The following COL9A1 variants were observed in gnomAD, a reference collection of about 807,000 sequenced individuals.
The protein encoded by COL9A1 is collagen type IX alpha 1 chain, also known as collagen alpha-1(IX) chain.
Under a neutral mutation model 142.6 loss-of-function variants are expected in COL9A1, and 104 were observed. That is an observed-to-expected ratio of 0.73 (90% confidence interval 0.62 to 0.86). COL9A1 has a LOEUF of 0.86. Ranked by LOEUF, COL9A1 falls within the 40% of genes least tolerant of loss-of-function variation. The pLI, the probability that COL9A1 is intolerant of heterozygous loss-of-function variation, is 0.00. For synonymous variants in COL9A1, 466 were observed against 396.0 expected (o/e 1.18, Z -2.10); for missense variants, 1,210 against 1,176.6 (o/e 1.03, Z -0.42).
Position 70,280,866 on chromosome 6 carries a change from T to A in COL9A1, c.921A>T (p.Ala307=), listed in dbSNP as rs1398982856. 10 of 1,613,420 alleles carry A rather than the reference T, an allele frequency of 6.2e-6. No individual in the cohort carries two copies. Among genetic ancestry groups the A allele is most frequent in the Non-Finnish European group, 7.6e-6 (9 of 1,179,878 alleles). ...PKGPPGPPGP[A]GEPGKPGAPG... is the part of the protein sequence containing the mutation. ...GAGCTCCTGGCTTTCCCGGTTCACCTGCAGGACCCTGAGCAGGGGCAGAAG... is the reference window on the plus strand; with the variant it reads ...GAGCTCCTGGCTTTCCCGGTTCACCAGCAGGACCCTGAGCAGGGGCAGAAG... The change falls in exon 10 of 38, where the codon GCA becomes GCT. Residue 307 remains alanine, a synonymous_variant. Coordinates refer to ENST00000357250, the MANE Select transcript of COL9A1 (RefSeq NM_001851.6).
chr6:70,260,654 T>C lies in COL9A1; in HGVS notation c.1449+3A>G. The C allele has an allele frequency of 6.2e-7, 1 of 1,613,604 alleles. No homozygotes were observed. The highest frequency in any genetic ancestry group is 8.5e-7 in the Non-Finnish European group (1 of 1,179,680). ...TATTATATTATTGTCATCACCATCT[T>C]ACTTTTTCCCCTTTGTCCCCAACTA... On this transcript the variant is annotated splice_donor_region_variant and intron_variant, in intron 20 of 37. Transcript: ENST00000357250.
chr6:70,272,201 C>T (rs944696749), intron 12 of COL9A1, 113 bp from the exon 13 acceptor site: 8 of 840,618 alleles, frequency 9.5e-6, no homozygotes, highest in Non-Finnish European at 1.5e-5. Context: ...AAAAATGATG[C>T]TCATTCTAAA....
chr6:70,283,008 C>T, intron 6 of COL9A1, 90 bp from the exon 7 acceptor site: 4 of 1,612,984 alleles, frequency 2.5e-6, no homozygotes, highest in Non-Finnish European at 3.4e-6. Flanking sequence ...AGAGCCCCAA[C>T]AGCAGCAGCC....
intron 5 of COL9A1, among the ~76,000 whole-genome samples, chr6:70,284,132 T>C (rs1773343183): frequency 6.6e-6 from 1 of 152,206 alleles, no homozygotes; most frequent in East Asian, 1.9e-4. Context: ...AATCTCAAGA[T>C]GTAGATCCTA....
chr6:70,272,855 A>T (rs945221996), intron 12 of COL9A1, among the ~76,000 whole-genome samples: 4 of 152,136 alleles, frequency 2.6e-5, no homozygotes, highest in African/African-American at 9.7e-5. Flanking sequence ...TTGAAATTAA[A>T]ACTGAATATC....
rs530992161 is a variant in COL9A1 at position 70,293,276 on chromosome 6, T to A, written c.696+891A>T. On this transcript the variant is annotated intron_variant, in intron 5 of 37. Coordinates refer to ENST00000357250, the MANE Select transcript of COL9A1 (RefSeq NM_001851.6). ...TTTGTTTCCTTCAAAAGAACACTTG[T>A]CCTCTAAGACATATTTTCTAAATTC... is the stretch of plus-strand genomic sequence containing the variant. Among the ~76,000 whole-genome samples the A allele has an allele frequency of 2.6e-5, 4 of 152,310 alleles. No individual in the cohort carries two copies. The South Asian group carries it at 6.2e-4, about 24-fold the overall frequency.
chr6:70,246,597 T>G (rs2127570245), intron 28 of COL9A1, among the ~76,000 whole-genome samples: 1 of 152,318 alleles, frequency 6.6e-6, no homozygotes, highest in South Asian at 2.1e-4. Flanking sequence ...TGGGGTAAGA[T>G]CCAGGAATCT....
intron 37 of COL9A1, among the ~76,000 whole-genome samples, chr6:70,224,296 C>A (rs1310511055): frequency 6.6e-6 from 1 of 152,148 alleles, no homozygotes; most frequent in Non-Finnish European, 1.5e-5. Context: ...CGCCCCCCAT[C>A]AACTTGGCTC....
In COL9A1 at chr6:70,274,090, TAAA is replaced by T. The variant is rs750233389; in HGVS notation, c.1030-11_1030-9del. 2 of 1,588,064 alleles carry T rather than the reference TAAA, an allele frequency of 1.3e-6. No individual in the cohort carries two copies. The highest frequency in any genetic ancestry group is 1.7e-6 in the Non-Finnish European group (2 of 1,164,722). ...AGGCACACCAGGTTCTCCCTAAAAA[TAAA>T]AATAGTTTCATTGTACTGACCTTTC... is the stretch of plus-strand genomic sequence containing the variant. On this transcript the variant is annotated splice_polypyrimidine_tract_variant and intron_variant, in intron 11 of 37. Transcript: ENST00000357250.
At position 70,281,477 on chromosome 6, in the gene COL9A1, G is replaced by A. The variant is rs1773164456; in HGVS notation, c.802-13C>T. The A allele has an allele frequency of 6.8e-6, 11 of 1,608,370 alleles. No homozygotes were observed. Among genetic ancestry groups the A allele is most frequent in the Non-Finnish European group, 9.3e-6 (11 of 1,177,328 alleles). ...CCGGGGGACCTCTCTGGCAAAAATA[G>A]CAGACATAGGTTAGTGGAGCACATC... On this transcript the variant is annotated splice_polypyrimidine_tract_variant and intron_variant, in intron 7 of 37. Transcript: ENST00000357250.
At chr6:70,223,089 T>C (rs555784475) in intron 37 of COL9A1, among the ~76,000 whole-genome samples, 2 of 152,250 alleles carry the variant, frequency 1.3e-5, no homozygotes, top group East Asian at 3.9e-4. Flanking sequence ...TAGACTTTCA[T>C]GGAGGGAAGG....
chr6:70,286,799 G>A (rs1281182275), intron 5 of COL9A1, among the ~76,000 whole-genome samples: 5 of 152,162 alleles, frequency 3.3e-5, no homozygotes, highest in Admixed American at 6.5e-5. Flanking sequence ...TAGGGATGTA[G>A]GCAGCACTCA....
intron 24 of COL9A1, chr6:70,254,737 T>G: frequency 4.4e-6 from 3 of 675,010 alleles, no homozygotes; most frequent in South Asian, 3.7e-5. Flanking sequence ...TCTCTCAACT[T>G]ACTTTCATCA....
intron 33 of COL9A1, 148 bp from the exon 34 acceptor site, chr6:70,235,088 G>T: frequency 1.1e-6 from 1 of 943,474 alleles, no homozygotes; most frequent in Non-Finnish European, 1.7e-6. Context: ...AACCTTCACT[G>T]CAAGGTGAAG....
chr6:70,283,758 A>G lies in COL9A1; in HGVS notation c.759T>C (p.His253=), dbSNP rs1264012472. The part of the protein sequence containing the change: ...DPLRPRRETC[H]ELPARITPSQ... ...TCACCGTTATTCTGGCTGGCAGCTC[A>G]TGGCAAGTTTCTCTCCTGGGCCGCA... The change falls in exon 6 of 38, where the codon CAT becomes CAC. Residue 253 remains histidine (H), a synonymous_variant. Transcript: ENST00000357250. 1 of 1,611,968 alleles carries G rather than the reference A, an allele frequency of 6.2e-7. No individual in the cohort carries two copies. Among genetic ancestry groups the G allele is most frequent in the East Asian group, 2.2e-5 (1 of 44,848 alleles).
intron 5 of COL9A1, among the ~76,000 whole-genome samples, chr6:70,293,932 C>T (rs1334260817): frequency 6.6e-6 from 1 of 152,174 alleles, no homozygotes; most frequent in Non-Finnish European, 1.5e-5. Flanking sequence ...TGTGCCACAT[C>T]AGTATGGCTT....
chr6:70,301,299 G>T lies in COL9A1; in HGVS notation c.88+702C>A, dbSNP rs575596210. ...TTATTCAGTTACAAAGCATAGGCCC[G>T]GCGCTGTGGCTCACGCCTGTAATCC... On this transcript the variant is annotated intron_variant, in intron 2 of 37. Transcript: ENST00000357250. Among the ~76,000 whole-genome samples the T allele has an allele frequency of 3.1e-4, 47 of 152,300 alleles. 1 individual carries two copies. The South Asian group carries it at 9.3e-3, about 30-fold the overall frequency.
chr6:70,285,318 C>T (rs1408828337), intron 5 of COL9A1, among the ~76,000 whole-genome samples: 2 of 152,184 alleles, frequency 1.3e-5, no homozygotes, highest in South Asian at 2.1e-4. Flanking sequence ...ATCACCTACA[C>T]GCTAATAATC....
chr6:70,240,618 G>GTATATA (rs10686639), intron 32 of COL9A1, 71 bp downstream of exon 32: 1 of 982,840 alleles, frequency 1.0e-6, no homozygotes, highest in Non-Finnish European at 1.6e-6. Context: ...TGTGTTAGAA[G>GTATATA]TATATATATA....
Sources: gnomAD v4.1 joint callset for allele counts (sites outside exome capture counted in the v4.1 genomes callset) on GRCh38, gnomAD v4.1.1 for gene constraint, MANE v1.5 for transcripts, NCBI Gene and HGNC (gene_info 2026-07-23, HGNC 2026-07-21) for gene names.